Variants in CDH20 observed in about 807,000 individuals in gnomAD.
The protein encoded by CDH20 is cadherin-20.
In CDH20, 29 loss-of-function variants were observed where a neutral mutation model predicts 74.2. That is an observed-to-expected ratio of 0.39 (90% CI 0.29 to 0.53). The LOEUF (loss-of-function observed/expected upper bound fraction) is 0.53, where lower values mean the gene tolerates loss of function less well. Ranked by LOEUF, CDH20 falls within the 20% of genes least tolerant of loss-of-function variation. The pLI is 0.69. For missense variants in CDH20, 988 were observed against 1,048.3 expected (o/e 0.94, Z 0.79); for synonymous variants, 469 against 405.4 (o/e 1.16, Z -1.88).
chr18:61,522,873 T>C (rs1220343495), intron 6 of CDH20, among the ~76,000 whole-genome samples: 1 of 152,200 alleles, frequency 6.6e-6, no homozygotes, highest in Non-Finnish European at 1.5e-5. Flanking sequence ...TGCAGAAAAC[T>C]GAAACTGGAC....
At chr18:61,467,106 A>G (rs1409211576) in intron 1 of CDH20, among the ~76,000 whole-genome samples, 1 of 152,180 alleles carries the variant, frequency 6.6e-6, no homozygotes, top group Non-Finnish European at 1.5e-5. Context: ...TATGCTAGAC[A>G]GACACTCCTA....
At chr18:61,511,422 G>A (rs1411511754) in intron 6 of CDH20, among the ~76,000 whole-genome samples, 3 of 152,066 alleles carry the variant, frequency 2.0e-5, no homozygotes, top group South Asian at 4.2e-4. Flanking sequence ...GAGCTCAAGT[G>A]GTACTCCTGC....
rs34955035 is a variant in CDH20, at chr18:61,387,964, G to GA, written c.-153+54148dup. ...GAGTGAATGTTACTTTTATAGTGGG[G>GA]AAAAAAAAAAACCCTTACAATATTT... On this transcript the variant is annotated intron_variant, in intron 1 of 11. Transcript: ENST00000262717. 3.0e-3 allele frequency among the ~76,000 whole-genome samples: 439 copies of GA among 146,144 alleles called. 1 individual carries two copies. Among genetic ancestry groups the GA allele is most frequent in the Middle Eastern group, 0.01 (3 of 292 alleles).
chr18:61,534,060 T>TA lies in CDH20; in HGVS notation c.1272-2425dup, dbSNP rs963533362. On this transcript the variant is annotated intron_variant, in intron 7 of 11. Transcript: ENST00000262717. ...TCAAAATTAGGACAAATGACCCTGT[T>TA]AAAAAAAATGTGCAAAATGCCTAAA... Among the ~76,000 whole-genome samples the TA allele has an allele frequency of 1.3e-4, 20 of 152,056 alleles. 1 individual carries two copies. Among genetic ancestry groups the TA allele is most frequent in the African/African-American group, 3.4e-4 (14 of 41,494 alleles).
At chr18:61,475,271 C>G (rs966452421) in intron 1 of CDH20, among the ~76,000 whole-genome samples, 2 of 152,082 alleles carry the variant, frequency 1.3e-5, no homozygotes, top group African/African-American at 4.8e-5. Context: ...TCTAAGTAGC[C>G]AGATATAGGG....
At chr18:61,545,532 C>T (rs1447465706) in intron 10 of CDH20, among the ~76,000 whole-genome samples, 1 of 152,144 alleles carries the variant, frequency 6.6e-6, no homozygotes, top group Non-Finnish European at 1.5e-5. Flanking sequence ...GCCAGAAACA[C>T]TGCAAAGCAC....
Position 61,499,360 on chromosome 18 carries a change from A to T in CDH20, c.421A>T (p.Thr141Ser), listed in dbSNP as rs1293225867. Residue 141 changes from threonine to serine, a missense_variant, in exon 3 of 12, where the codon ACG becomes TCG. Physicochemically the swap from Thr to Ser is moderately conservative, Grantham distance 58. This residue lies in a region of CDH20 where 613 missense variants were observed against 755.2 expected (regional missense o/e 0.81). Coordinates refer to ENST00000262717, the MANE Select transcript of CDH20 (RefSeq NM_031891.4). ...TLRAQALDRR[T>S]GRPMEPESEF... ...AAGGGCTCAAGCCCTAGACAGGCGG[A>T]CGGGCAGGCCAATGGAGCCCGAGTC... is the stretch of plus-strand genomic sequence containing the variant. The T allele has an allele frequency of 1.2e-6, 2 of 1,614,116 alleles. No homozygotes were observed. The highest frequency in any genetic ancestry group is 1.7e-6 in the Non-Finnish European group (2 of 1,179,998).
intron 6 of CDH20, among the ~76,000 whole-genome samples, chr18:61,525,206 T>A (rs1912349818): frequency 6.6e-6 from 1 of 152,112 alleles, no homozygotes; most frequent in Admixed American, 6.6e-5. Context: ...AGTCAAAACC[T>A]GCCAACTTTA....
At chr18:61,527,326 G>GA (rs869130272) in intron 6 of CDH20, among the ~76,000 whole-genome samples, 9 of 6,716 alleles carry the variant, frequency 1.3e-3, no homozygotes, top group Non-Finnish European at 8.5e-3. Flanking sequence ...ATTTTTTAAG[G>GA]AAAAAAAAAA....
chr18:61,394,783 G>A lies in CDH20; in HGVS notation c.-153+60956G>A, dbSNP rs190319766. Among the ~76,000 whole-genome samples, 73 of 152,148 alleles carry A rather than the reference G, an allele frequency of 4.8e-4. No homozygotes were observed. The East Asian group carries it at 0.013, about 26-fold the overall frequency. ...TGTTTACCAATGTCGCTGCCAGAGG[G>A]CCGAGCCCACCTGGCAGTTGTCACC... is the stretch of plus-strand genomic sequence containing the variant. On this transcript the variant is annotated intron_variant, in intron 1 of 11. Transcript: ENST00000262717.
intron 1 of CDH20, among the ~76,000 whole-genome samples, chr18:61,488,245 A>C (rs1706555373): frequency 6.6e-6 from 1 of 152,324 alleles, no homozygotes; most frequent in Non-Finnish European, 1.5e-5. Flanking sequence ...ACAGAATTAG[A>C]CTGAGCCAGA....
chr18:61,537,413 G>C (rs1234243392), intron 8 of CDH20, among the ~76,000 whole-genome samples: 3 of 152,100 alleles, frequency 2.0e-5, no homozygotes, highest in Non-Finnish European at 2.9e-5. Flanking sequence ...AAAATAAGGA[G>C]AAAATGGAAA....
At chr18:61,486,477 T>C (rs2144288376) in intron 1 of CDH20, among the ~76,000 whole-genome samples, 1 of 152,248 alleles carries the variant, frequency 6.6e-6, no homozygotes, top group Non-Finnish European at 1.5e-5. Flanking sequence ...GGATTTTAAC[T>C]CCTAAGTAAA....
intron 1 of CDH20, among the ~76,000 whole-genome samples, chr18:61,370,754 C>G (rs977887365): frequency 3.9e-5 from 6 of 152,098 alleles, no homozygotes; most frequent in African/African-American, 1.4e-4. Flanking sequence ...TTTTGCATAA[C>G]TGAGACTTGG....
At chr18:61,549,898 C>A in intron 10 of CDH20, 80 bp from the exon 11 acceptor site, 3 of 1,435,714 alleles carry the variant, frequency 2.1e-6, no homozygotes, top group South Asian at 2.5e-5. Context: ...CTACACCCTG[C>A]CCCTGCCCCC....
intron 1 of CDH20, among the ~76,000 whole-genome samples, chr18:61,414,697 AT>A (rs1437199557): frequency 4.6e-4 from 70 of 152,216 alleles, no homozygotes; most frequent in African/African-American, 1.7e-3. Context: ...CAATGAAAAC[AT>A]TTTATAGAAA....
intron 1 of CDH20, among the ~76,000 whole-genome samples, chr18:61,438,855 A>T (rs934531549): frequency 2.6e-5 from 4 of 152,190 alleles, no homozygotes; most frequent in Non-Finnish European, 5.9e-5. Flanking sequence ...GAATCAACCC[A>T]GGTACCCATC....
chr18:61,514,327 A>T (rs1321104079), intron 6 of CDH20, among the ~76,000 whole-genome samples: 9 of 152,084 alleles, frequency 5.9e-5, no homozygotes, highest in East Asian at 1.9e-4. Flanking sequence ...CACGTAGTTC[A>T]CGAGCCTTGG....
intron 1 of CDH20, among the ~76,000 whole-genome samples, chr18:61,348,378 T>G (rs1444675233): frequency 6.6e-6 from 1 of 152,182 alleles, no homozygotes; most frequent in Non-Finnish European, 1.5e-5. Context: ...TTCTCCCCTA[T>G]ATTAAATTAC....
Sources: allele counts gnomAD v4.1 joint callset (sites outside exome capture counted in the v4.1 genomes callset), GRCh38; gene constraint gnomAD v4.1.1; regional missense constraint gnomAD v4.1.1; transcripts MANE v1.5; gene names NCBI Gene and HGNC (gene_info 2026-07-23, HGNC 2026-07-21).